The following CAMK1D variants were observed in gnomAD, a reference collection of about 807,000 sequenced individuals.
CAMK1D encodes calcium/calmodulin-dependent protein kinase type 1D.
CAMK1D carries 9 observed loss-of-function variants against 47.7 expected under a neutral mutation model. The ratio of observed to expected loss-of-function variants is 0.19; its 90% CI spans 0.11 to 0.33. The LOEUF is 0.33. Ranked by LOEUF, CAMK1D falls within the 10% of genes least tolerant of loss-of-function variation. The pLI is 1.00. For synonymous variants in CAMK1D, 184 were observed against 184.9 expected (o/e 0.99, Z 0.04); for missense variants, 291 against 488.7 (o/e 0.60, Z 3.81).
intron 3 of CAMK1D, among the ~76,000 whole-genome samples, chr10:12,735,741 C>T (rs1361389834): frequency 1.3e-5 from 2 of 151,696 alleles, no homozygotes; most frequent in African/African-American, 2.4e-5. Context: ...CAGCCTGGCA[C>T]GTTCTAATCC....
intron 2 of CAMK1D, among the ~76,000 whole-genome samples, chr10:12,559,267 C>T (rs576135843): frequency 2.0e-5 from 3 of 152,116 alleles, no homozygotes; most frequent in Admixed American, 1.3e-4. Flanking sequence ...GGGTGACAGA[C>T]TGAGACACCA....
intron 2 of CAMK1D, among the ~76,000 whole-genome samples, chr10:12,663,064 C>T (rs568834039): frequency 4.6e-5 from 7 of 152,198 alleles, no homozygotes; most frequent in Non-Finnish European, 8.8e-5. Context: ...CAGGTTCAAA[C>T]GATTGTCCTG....
chr10:12,693,287 C>A (rs571305388), intron 3 of CAMK1D, among the ~76,000 whole-genome samples: 1 of 152,174 alleles, frequency 6.6e-6, no homozygotes, highest in East Asian at 1.9e-4. Context: ...ATTGCTTGAA[C>A]ACGGTAGGCA....
At chr10:12,576,246 TG>T (rs1837485520) in intron 2 of CAMK1D, among the ~76,000 whole-genome samples, 1 of 152,180 alleles carries the variant, frequency 6.6e-6, no homozygotes, top group African/African-American at 2.4e-5. Context: ...TATAAATTAA[TG>T]TATCTATTTT....
In CAMK1D at chr10:12,349,592, C is replaced by CGCG. The variant is rs1307543810; in HGVS notation, c.-218_-216dup. 2 of 154,670 alleles carry CGCG rather than the reference C, an allele frequency of 1.3e-5. No homozygotes were observed. The highest frequency in any genetic ancestry group is 2.8e-5 in the Non-Finnish European group (2 of 70,396). The allele number at this position is 154,670 out of a possible 1,614,324, so 9.6% of individuals were successfully genotyped here. On this transcript the variant is annotated 5_prime_UTR_variant, in exon 1 of 11. Transcript: ENST00000619168. ...GCAGGCGGCGGCAAAGGAGCCGGCG[C>CGCG]GCGGCGGCGGCAGGAAGTCTGTGCC...
intron 6 of CAMK1D, among the ~76,000 whole-genome samples, chr10:12,796,867 A>G (rs1838216877): frequency 1.3e-5 from 2 of 152,178 alleles, no homozygotes; most frequent in South Asian, 4.1e-4. Context: ...ATCTTTGTGA[A>G]TTGATTCACA....
intron 2 of CAMK1D, among the ~76,000 whole-genome samples, chr10:12,611,653 G>A (rs751205386): frequency 1.1e-4 from 15 of 134,810 alleles, no homozygotes; most frequent in Middle Eastern, 4.0e-3. Context: ...GTGCAGTGGC[G>A]CAATCTCGGC....
At chr10:12,476,269 G>T (rs952694721) in intron 1 of CAMK1D, among the ~76,000 whole-genome samples, 2 of 151,836 alleles carry the variant, frequency 1.3e-5, no homozygotes, top group Non-Finnish European at 2.9e-5. Flanking sequence ...TCTAGCCTGG[G>T]CAACAGAACG....
intron 1 of CAMK1D, among the ~76,000 whole-genome samples, chr10:12,378,870 T>C (rs1304632055): frequency 6.7e-6 from 1 of 149,978 alleles, no homozygotes. Flanking sequence ...AGTGCCGTGG[T>C]GCGCTCTCAG....
intron 1 of CAMK1D, among the ~76,000 whole-genome samples, chr10:12,393,132 C>T (rs1250605754): frequency 2.0e-5 from 3 of 151,670 alleles, no homozygotes; most frequent in East Asian, 1.9e-4. Context: ...CCCGGGTTCA[C>T]GCCATTCTCC....
At chr10:12,482,880 A>G (rs961066652) in intron 1 of CAMK1D, among the ~76,000 whole-genome samples, 1 of 152,242 alleles carries the variant, frequency 6.6e-6, no homozygotes, top group Non-Finnish European at 1.5e-5. Context: ...AGAGACCTCC[A>G]TAAATAACAT....
At chr10:12,496,282 T>G (rs1222528543) in intron 1 of CAMK1D, among the ~76,000 whole-genome samples, 1 of 152,228 alleles carries the variant, frequency 6.6e-6, no homozygotes, top group Admixed American at 6.5e-5. Flanking sequence ...GGGTCAAGAT[T>G]GCCTGCAAAT....
At chr10:12,678,956 T>G (rs1170187032) in intron 3 of CAMK1D, among the ~76,000 whole-genome samples, 1 of 152,028 alleles carries the variant, frequency 6.6e-6, no homozygotes, top group Non-Finnish European at 1.5e-5. Context: ...AGAGACAGGG[T>G]TTCACCATGT....
At chr10:12,627,484 G>C (rs1726966733) in intron 2 of CAMK1D, among the ~76,000 whole-genome samples, 1 of 152,126 alleles carries the variant, frequency 6.6e-6, no homozygotes, top group Admixed American at 6.5e-5. Context: ...CATTACCCCA[G>C]TCAAGGTATA....
chr10:12,660,864 C>T (rs1227158955), intron 2 of CAMK1D, among the ~76,000 whole-genome samples: 1 of 152,190 alleles, frequency 6.6e-6, no homozygotes, highest in African/African-American at 2.4e-5. Context: ...GTCAACATCC[C>T]TTATGGATGA....
At position 12,833,778 on chromosome 10, in the gene CAMK1D, G is replaced by A. The variant is rs1252158160; in HGVS notation, c.*4891G>A. On this transcript the variant is annotated 3_prime_UTR_variant, in exon 11 of 11. Coordinates refer to ENST00000619168, the MANE Select transcript of CAMK1D (RefSeq NM_153498.4). ...AATCACTTCTGGCAAATTAATTGAA[G>A]GTCCTTGAATTCAGCCAGTGCACGA... The A allele has an allele frequency of 6.6e-6, 1 of 152,132 alleles. No homozygotes were observed. Among genetic ancestry groups the A allele is most frequent in the Non-Finnish European group, 1.5e-5 (1 of 68,028 alleles). 9.4% of individuals were successfully genotyped at this position (152,132 alleles called of 1,614,324 possible). A position where few individuals can be genotyped will look rare whatever the true frequency, so the allele number is the denominator to read the frequency against.
Position 12,643,557 on chromosome 10 carries a change from C to T in CAMK1D, c.225-23179C>T, listed in dbSNP as rs566439142. Among the ~76,000 whole-genome samples the T allele has an allele frequency of 3.1e-4, 47 of 152,210 alleles. 1 individual carries two copies. In the South Asian group the frequency reaches 8.7e-3, roughly 28 times the overall value. On this transcript the variant is annotated intron_variant, in intron 2 of 10. Transcript: ENST00000619168. ...CGAGCCCTATGATGAACTGCGCATG[C>T]GAGGGATCTAGGTTGTGTGCTCCTG...
In CAMK1D at chr10:12,830,926, AACACACACAC is replaced by A. The variant is rs3995677; in HGVS notation, c.*2069_*2078del. 0.015 allele frequency: 1,578 copies of A among 103,808 alleles called. 33 individuals carry two copies. The highest frequency in any genetic ancestry group is 0.055 in the African/African-American group (1,462 of 26,532). The allele number at this position is 103,808 out of a possible 1,614,324, so 6.4% of individuals were successfully genotyped here. A position where few individuals can be genotyped will look rare whatever the true frequency, so the allele number is the denominator to read the frequency against. The stretch of plus-strand genomic sequence containing the variant: ...GTGATGCCCCCCCACCCTCTCAATA[AACACACACAC>A]ACACACACACACACACACACACACA... On this transcript the variant is annotated 3_prime_UTR_variant, in exon 11 of 11. Coordinates refer to ENST00000619168, the MANE Select transcript of CAMK1D (RefSeq NM_153498.4).
chr10:12,634,805 G>A (rs1039423106), intron 2 of CAMK1D, among the ~76,000 whole-genome samples: 1 of 152,074 alleles, frequency 6.6e-6, no homozygotes, highest in African/African-American at 2.4e-5. Flanking sequence ...CAACATCTCG[G>A]GGTTCTCCAA....
Sources: allele counts gnomAD v4.1 joint callset (sites outside exome capture counted in the v4.1 genomes callset), GRCh38; gene constraint gnomAD v4.1.1; transcripts MANE v1.5; gene names NCBI Gene and HGNC (gene_info 2026-07-23, HGNC 2026-07-21).